The following CSRNP3 variants were observed in gnomAD, a reference collection of about 807,000 sequenced individuals.
CSRNP3 encodes the protein cysteine/serine-rich nuclear protein 3.
Under a neutral mutation model 48.0 loss-of-function variants are expected in CSRNP3, and 12 were observed. That is an observed-to-expected ratio of 0.25 (90% CI 0.16 to 0.41). The LOEUF (loss-of-function observed/expected upper bound fraction) is 0.41. Among genes scored for constraint, CSRNP3 ranks in the 10% least tolerant of loss-of-function variants. The pLI, the probability that CSRNP3 is intolerant of heterozygous loss-of-function variation, is 1.00. For synonymous variants in CSRNP3, 263 were observed against 269.7 expected (o/e 0.98, Z 0.24); for missense variants, 580 against 724.4 (o/e 0.80, Z 2.29).
chr2:165,519,595 A>G (rs1684625252), intron 3 of CSRNP3, among the ~76,000 whole-genome samples: 1 of 152,194 alleles, frequency 6.6e-6, no homozygotes, highest in Non-Finnish European at 1.5e-5. Context: ...CCCTTGCCTC[A>G]TTGTGCCATT....
intron 4 of CSRNP3, among the ~76,000 whole-genome samples, chr2:165,598,070 G>A (rs1574856455): frequency 6.6e-6 from 1 of 152,224 alleles, no homozygotes; most frequent in East Asian, 1.9e-4. Flanking sequence ...TATCTGAAGA[G>A]AGAAATATTA....
intron 3 of CSRNP3, among the ~76,000 whole-genome samples, chr2:165,557,977 T>C (rs530787310): frequency 3.7e-4 from 57 of 152,366 alleles, no homozygotes; most frequent in African/African-American, 1.4e-3. Context: ...TTCTTATTAA[T>C]GTTGGCCATT....
At chr2:165,551,078 C>T (rs531870325) in intron 3 of CSRNP3, among the ~76,000 whole-genome samples, 76 of 152,206 alleles carry the variant, frequency 5.0e-4, no homozygotes, top group African/African-American at 1.6e-3. Flanking sequence ...CTCCTTCTTA[C>T]GCTATCATTC....
intron 4 of CSRNP3, 36 bp from the exon 5 acceptor site, chr2:165,657,725 C>T (rs1210562531): frequency 1.2e-6 from 2 of 1,603,208 alleles, no homozygotes; most frequent in Non-Finnish European, 1.7e-6. Flanking sequence ...AAACTGCTGC[C>T]CCAAGTGTTC....
intron 3 of CSRNP3, among the ~76,000 whole-genome samples, chr2:165,577,681 T>C (rs1358414465): frequency 6.6e-6 from 1 of 151,800 alleles, no homozygotes; most frequent in African/African-American, 2.4e-5. Flanking sequence ...TATATACTTT[T>C]ATATATAATT....
At chr2:165,599,603 A>G (rs1246012711) in intron 4 of CSRNP3, among the ~76,000 whole-genome samples, 1 of 152,140 alleles carries the variant, frequency 6.6e-6, no homozygotes, top group East Asian at 1.9e-4. Flanking sequence ...TGATCTAAGC[A>G]TTTTAGCCAG....
At chr2:165,566,698 G>C (rs1481221313) in intron 3 of CSRNP3, 2 of 151,700 alleles carry the variant, frequency 1.3e-5, no homozygotes, top group African/African-American at 4.8e-5. Flanking sequence ...TGCCCAGGCT[G>C]TATATTCTTA....
At chr2:165,607,030 GTA>G (rs1188882878) in intron 4 of CSRNP3, among the ~76,000 whole-genome samples, 2 of 151,934 alleles carry the variant, frequency 1.3e-5, no homozygotes. Flanking sequence ...ATAAATATGA[GTA>G]TTAAGCACGT....
intron 1 of CSRNP3, among the ~76,000 whole-genome samples, chr2:165,493,521 T>G (rs181334040): frequency 5.3e-4 from 80 of 152,208 alleles, no homozygotes; most frequent in Non-Finnish European, 1.0e-3. Context: ...TAAATTACAG[T>G]GCAGTCTAAA....
At chr2:165,536,096 A>T (rs577250178) in intron 3 of CSRNP3, among the ~76,000 whole-genome samples, 1 of 151,964 alleles carries the variant, frequency 6.6e-6, no homozygotes, top group African/African-American at 2.4e-5. Flanking sequence ...ACTCCAAGCT[A>T]TATGCACATT....
chr2:165,666,068 AAGAGAGAG>A (rs143932638), intron 5 of CSRNP3, among the ~76,000 whole-genome samples: 8 of 99,566 alleles, frequency 8.0e-5, no homozygotes, highest in South Asian at 3.9e-4. Flanking sequence ...GGAAGAAAGA[AAGAGAGAG>A]AGAGAAAGGA....
Position 165,521,094 on chromosome 2 carries a change from G to A in CSRNP3, c.-24+3133G>A, listed in dbSNP as rs372020711. 3.8e-4 allele frequency among the ~76,000 whole-genome samples: 58 copies of A among 150,894 alleles called. 1 individual carries two copies. In the East Asian group the frequency reaches 4.9e-3, roughly 13 times the overall value. On this transcript the variant is annotated intron_variant, in intron 3 of 6. Coordinates refer to ENST00000651982, the MANE Select transcript of CSRNP3 (RefSeq NM_001172173.2). ...AAGTAGAGAGTGTTTATTACATGCC[G>A]TATTGTGGAAAGAATTGATGGTCAG...
At chr2:165,516,879 A>C (rs1226349658) in intron 2 of CSRNP3, among the ~76,000 whole-genome samples, 1 of 152,032 alleles carries the variant, frequency 6.6e-6, no homozygotes, top group East Asian at 1.9e-4. Flanking sequence ...CCTGAGACAA[A>C]TTTTTTTCTT....
intron 3 of CSRNP3, among the ~76,000 whole-genome samples, chr2:165,528,789 G>A (rs761726742): frequency 3.3e-5 from 5 of 152,152 alleles, no homozygotes; most frequent in Non-Finnish European, 7.3e-5. Context: ...TGGAGTGGCC[G>A]CTGCTATCAT....
intron 3 of CSRNP3, among the ~76,000 whole-genome samples, chr2:165,562,484 G>C: frequency 6.6e-6 from 1 of 152,158 alleles, no homozygotes; most frequent in South Asian, 2.1e-4. Context: ...GGGAGAAAAA[G>C]TGTATGCAGT....
intron 3 of CSRNP3, among the ~76,000 whole-genome samples, chr2:165,552,247 A>G (rs1448448869): frequency 2.6e-5 from 4 of 152,212 alleles, no homozygotes; most frequent in South Asian, 2.1e-4. Flanking sequence ...AGAATTCTCA[A>G]TTAATGTAAA....
rs1475266609 is a variant in CSRNP3, at chr2:165,687,471, G to A, written c.*7718G>A. 1.3e-5 allele frequency: 2 copies of A among 152,070 alleles called. No homozygotes were observed. Among genetic ancestry groups the A allele is most frequent in the Non-Finnish European group, 1.5e-5 (1 of 67,992 alleles). The allele number at this position is 152,070 out of a possible 1,614,324, so 9.4% of individuals were successfully genotyped here. ...TTCTAAGAAGTTACAATTACAAAAAGTAAGCATTTTCTACATTCTTACTTC... is the reference window on the plus strand; with the variant it reads ...TTCTAAGAAGTTACAATTACAAAAAATAAGCATTTTCTACATTCTTACTTC... On this transcript the variant is annotated 3_prime_UTR_variant, in exon 7 of 7. Coordinates refer to ENST00000651982, the MANE Select transcript of CSRNP3 (RefSeq NM_001172173.2).
rs766458889 is a variant in CSRNP3, at chr2:165,679,106, G to A, written c.1111G>A (p.Glu371Lys). The A allele has an allele frequency of 1.2e-6, 2 of 1,611,970 alleles. No individual in the cohort carries two copies. Among genetic ancestry groups the A allele is most frequent in the South Asian group, 1.1e-5 (1 of 90,972 alleles). ...AAGCTTGGCACCTAGTGAGTCAGAC[G>A]AGGAGGAGGAGGAAGAAGAAGAGGA... is the stretch of plus-strand genomic sequence containing the variant. ...TQSLAPSESD[E>K]EEEEEEEEEE... is the part of the protein sequence containing the mutation. Residue 371 changes from glutamate to lysine, a missense_variant, in exon 7 of 7, where the codon GAG (glutamate) becomes AAG (lysine). This residue lies in a region of CSRNP3 where 369 missense variants were observed against 380.8 expected (regional missense o/e 0.97). Transcript: ENST00000651982.
At chr2:165,538,364 A>C (rs1684909401) in intron 3 of CSRNP3, among the ~76,000 whole-genome samples, 1 of 151,882 alleles carries the variant, frequency 6.6e-6, no homozygotes, top group Admixed American at 6.6e-5. Context: ...GTGGGATTCT[A>C]ATTTTCAGTG....
Sources: allele counts gnomAD v4.1 joint callset (sites outside exome capture counted in the v4.1 genomes callset), GRCh38; gene constraint gnomAD v4.1.1; regional missense constraint gnomAD v4.1.1; transcripts MANE v1.5; gene names NCBI Gene and HGNC (gene_info 2026-07-23, HGNC 2026-07-21).